The following LINGO2 variants were observed in gnomAD, a reference collection of about 807,000 sequenced individuals.
LINGO2 encodes leucine rich repeat and Ig domain containing 2, also known as leucine-rich repeat and immunoglobulin-like domain-containing nogo receptor-interacting protein 2.
In LINGO2, 14 loss-of-function variants were observed where a neutral mutation model predicts 30.6. The ratio of observed to expected loss-of-function variants is 0.46; its 90% CI spans 0.30 to 0.72. The LOEUF (loss-of-function observed/expected upper bound fraction) is 0.72. Ranked by LOEUF, LINGO2 falls within the 30% of genes least tolerant of loss-of-function variation. LINGO2 has a pLI of 0.07. For synonymous variants in LINGO2, 317 were observed against 288.5 expected, an observed-to-expected ratio of 1.10 and a Z score of -1.00; for missense variants, 729 against 751.7, an observed-to-expected ratio of 0.97 and a Z score of 0.35.
At chr9:29,166,343 G>T in the LINGO2 span, among the ~76,000 whole-genome samples, 1 of 152,028 alleles carries the variant, frequency 6.6e-6, no homozygotes, top group East Asian at 1.9e-4. Flanking sequence ...TTTTACTTAA[G>T]CCAGAATATT....
At chr9:28,784,727 G>C in the LINGO2 span, among the ~76,000 whole-genome samples, 1 of 152,132 alleles carries the variant, frequency 6.6e-6, no homozygotes, top group Non-Finnish European at 1.5e-5. Flanking sequence ...GCCGAGGTGC[G>C]TGGATCATGA....
At chr9:28,823,542 T>G in the LINGO2 span, among the ~76,000 whole-genome samples, 3 of 152,156 alleles carry the variant, frequency 2.0e-5, no homozygotes, top group African/African-American at 7.2e-5. Flanking sequence ...CAGAAGTGGC[T>G]CTGAGATTAG....
intron 1 of LINGO2, among the ~76,000 whole-genome samples, chr9:28,507,499 T>C (rs1460883316): frequency 6.6e-6 from 1 of 152,078 alleles, no homozygotes; most frequent in Non-Finnish European, 1.5e-5. Context: ...ATCTCTGACT[T>C]AAATGTGCAA....
At chr9:28,769,402 C>G in the LINGO2 span, among the ~76,000 whole-genome samples, 4 of 136,550 alleles carry the variant, frequency 2.9e-5, no homozygotes, top group African/African-American at 1.1e-4. Context: ...AAGTACAAGA[C>G]ATTGGTCTAA....
chr9:29,140,869 A>T, the LINGO2 span, among the ~76,000 whole-genome samples: 1 of 152,020 alleles, frequency 6.6e-6, no homozygotes, highest in East Asian at 1.9e-4. Flanking sequence ...TAGTAAAATG[A>T]TACATTCAAA....
At chr9:28,373,449 T>C (rs1207293883) in intron 2 of LINGO2, among the ~76,000 whole-genome samples, 1 of 152,202 alleles carries the variant, frequency 6.6e-6, no homozygotes, top group Non-Finnish European at 1.5e-5. Flanking sequence ...GTAATTATGA[T>C]GCTGAATATT....
At chr9:28,860,547 T>A in the LINGO2 span, among the ~76,000 whole-genome samples, 1 of 152,050 alleles carries the variant, frequency 6.6e-6, no homozygotes, top group East Asian at 1.9e-4. Context: ...CAATTACTTA[T>A]GATAAATCCC....
At chr9:27,974,280 C>T (rs1820490192) in intron 5 of LINGO2, among the ~76,000 whole-genome samples, 1 of 152,140 alleles carries the variant, frequency 6.6e-6, no homozygotes, top group Non-Finnish European at 1.5e-5. Context: ...TGGGTCCTCT[C>T]TACTCTTCCT....
the LINGO2 span, among the ~76,000 whole-genome samples, chr9:28,989,783 A>G: frequency 6.6e-6 from 1 of 152,200 alleles, no homozygotes; most frequent in East Asian, 1.9e-4. Flanking sequence ...GTGCCATGAG[A>G]TTAAGTTTTA....
chr9:27,957,650 T>A (rs12353161), intron 5 of LINGO2, among the ~76,000 whole-genome samples: 3 of 149,852 alleles, frequency 2.0e-5, no homozygotes, highest in Non-Finnish European at 2.9e-5. Flanking sequence ...GTTCATCCAA[T>A]TTTTGTCTTC....
chr9:28,199,841 T>C (rs1346443579), intron 4 of LINGO2, among the ~76,000 whole-genome samples: 2 of 152,142 alleles, frequency 1.3e-5, no homozygotes, highest in South Asian at 4.1e-4. Flanking sequence ...TGAAAGATAA[T>C]TCTTCAAAAA....
chr9:28,371,436 C>T (rs1464317535), intron 3 of LINGO2, among the ~76,000 whole-genome samples: 1 of 152,184 alleles, frequency 6.6e-6, no homozygotes, highest in Non-Finnish European at 1.5e-5. Context: ...AGAGACAGCA[C>T]TTTCTGTGTC....
At chr9:28,758,849 C>A in the LINGO2 span, among the ~76,000 whole-genome samples, 1 of 152,032 alleles carries the variant, frequency 6.6e-6, no homozygotes, top group Non-Finnish European at 1.5e-5. Context: ...CTTACTGGAT[C>A]CATTTACTAA....
chr9:28,244,123 G>A (rs1335998707), intron 4 of LINGO2, among the ~76,000 whole-genome samples: 1 of 152,128 alleles, frequency 6.6e-6, no homozygotes, highest in Non-Finnish European at 1.5e-5. Context: ...CATACAAACA[G>A]TCTCTTAGAC....
chr9:28,441,442 C>T (rs1352845364), intron 2 of LINGO2, among the ~76,000 whole-genome samples: 1 of 151,714 alleles, frequency 6.6e-6, no homozygotes, highest in Non-Finnish European at 1.5e-5. Flanking sequence ...TAGACTTTAG[C>T]CCATACTTCA....
chr9:29,091,766 A>G, the LINGO2 span, among the ~76,000 whole-genome samples: 1 of 152,086 alleles, frequency 6.6e-6, no homozygotes, highest in Non-Finnish European at 1.5e-5. Context: ...CATTGGATTC[A>G]TTCACCTTGC....
intron 1 of LINGO2, among the ~76,000 whole-genome samples, chr9:28,618,264 A>G (rs1410194315): frequency 1.3e-5 from 2 of 152,080 alleles, no homozygotes; most frequent in Non-Finnish European, 2.9e-5. Context: ...GCATCACCAC[A>G]TATTCAGTGA....
chr9:28,548,247 C>T (rs949227518), intron 1 of LINGO2, among the ~76,000 whole-genome samples: 2 of 151,982 alleles, frequency 1.3e-5, no homozygotes, highest in Non-Finnish European at 2.9e-5. Context: ...GGGACTGTTA[C>T]GTAGGATAAA....
chr9:28,534,830 G>A (rs1821363899), intron 1 of LINGO2, among the ~76,000 whole-genome samples: 1 of 151,994 alleles, frequency 6.6e-6, no homozygotes, highest in African/African-American at 2.4e-5. Flanking sequence ...TAAATTTAAA[G>A]GTTTACTTAT....
Sources: gnomAD v4.1 joint callset for allele counts (sites outside exome capture counted in the v4.1 genomes callset) on GRCh38, gnomAD v4.1.1 for gene constraint, MANE v1.5 for transcripts, NCBI Gene and HGNC (gene_info 2026-07-23, HGNC 2026-07-21) for gene names.